The following CCSER1 variants were observed in gnomAD, a reference collection of about 807,000 sequenced individuals.
CCSER1 encodes the protein coiled-coil serine rich protein 1.
Under a neutral mutation model 82.0 loss-of-function variants are expected in CCSER1, and 41 were observed. The ratio of observed to expected loss-of-function variants is 0.50; its 90% confidence interval spans 0.39 to 0.65. The LOEUF (loss-of-function observed/expected upper bound fraction) is 0.65, where lower values mean the gene tolerates loss of function less well. Ranked by LOEUF, CCSER1 falls within the 30% of genes least tolerant of loss-of-function variation. The pLI is 0.00. For missense variants in CCSER1, 1,119 were observed against 1,064.2 expected (o/e 1.05, Z -0.72); for synonymous variants, 414 against 383.9 (o/e 1.08, Z -0.92).
At chr4:91,221,222 T>C (rs1479167877) in intron 10 of CCSER1, among the ~76,000 whole-genome samples, 1 of 152,124 alleles carries the variant, frequency 6.6e-6, no homozygotes, top group African/African-American at 2.4e-5. Context: ...TATCATAACA[T>C]AGTTGTTTTC....
chr4:91,136,818 A>G (rs1251458437), intron 10 of CCSER1, among the ~76,000 whole-genome samples: 5 of 152,034 alleles, frequency 3.3e-5, no homozygotes, highest in African/African-American at 1.2e-4. Flanking sequence ...TAACTGTGTC[A>G]ACTTATACAA....
chr4:90,708,067 C>T (rs1464756426), intron 6 of CCSER1, among the ~76,000 whole-genome samples: 1 of 152,098 alleles, frequency 6.6e-6, no homozygotes, highest in Non-Finnish European at 1.5e-5. Context: ...GCAGTTTGCA[C>T]CTCCTGAGGC....
intron 10 of CCSER1, among the ~76,000 whole-genome samples, chr4:91,390,551 A>G (rs1237051724): frequency 6.6e-6 from 1 of 151,876 alleles, no homozygotes; most frequent in Non-Finnish European, 1.5e-5. Flanking sequence ...TGCTGATCTC[A>G]TGGAATGAAT....
chr4:91,380,497 T>C (rs1750798805), intron 10 of CCSER1, among the ~76,000 whole-genome samples: 1 of 152,188 alleles, frequency 6.6e-6, no homozygotes, highest in Non-Finnish European at 1.5e-5. Flanking sequence ...TTTACCGTTA[T>C]GTAATGTCCT....
At chr4:91,227,373 T>G (rs1738279773) in intron 10 of CCSER1, among the ~76,000 whole-genome samples, 1 of 151,372 alleles carries the variant, frequency 6.6e-6, no homozygotes, top group South Asian at 2.1e-4. Flanking sequence ...TTCTCTTGGC[T>G]GGAATCTACA....
intron 10 of CCSER1, among the ~76,000 whole-genome samples, chr4:91,396,076 AC>A (rs1478424819): frequency 8.5e-5 from 13 of 152,106 alleles, no homozygotes; most frequent in Admixed American, 5.9e-4. Flanking sequence ...CAGACCTAGT[AC>A]TTGAAATAAA....
chr4:91,392,631 G>A (rs1244146328), intron 10 of CCSER1, among the ~76,000 whole-genome samples: 1 of 151,898 alleles, frequency 6.6e-6, no homozygotes, highest in Non-Finnish European at 1.5e-5. Context: ...ATATATATTA[G>A]CTCATTTGCA....
At chr4:90,450,639 A>T (rs1761318291) in intron 4 of CCSER1, among the ~76,000 whole-genome samples, 1 of 152,198 alleles carries the variant, frequency 6.6e-6, no homozygotes, top group South Asian at 2.1e-4. Context: ...CTGGTCTTTT[A>T]CTAAAGTGTA....
At chr4:90,384,809 G>A (rs768197627) in intron 3 of CCSER1, among the ~76,000 whole-genome samples, 20 of 152,166 alleles carry the variant, frequency 1.3e-4, no homozygotes, top group Non-Finnish European at 2.8e-4. Flanking sequence ...TAGTGAGGAA[G>A]TCTGAACTTT....
chr4:90,407,765 G>A (rs917063865), intron 4 of CCSER1, among the ~76,000 whole-genome samples: 5 of 152,102 alleles, frequency 3.3e-5, no homozygotes, highest in East Asian at 3.9e-4. Context: ...TTCATCTCAC[G>A]GGGGAGTGCT....
chr4:90,476,572 C>G (rs1765142855), intron 5 of CCSER1, among the ~76,000 whole-genome samples: 1 of 151,950 alleles, frequency 6.6e-6, no homozygotes, highest in Non-Finnish European at 1.5e-5. Flanking sequence ...CTCTATTCAA[C>G]CTTTTGGAAA....
At chr4:91,436,691 C>T (rs1236848894) in intron 10 of CCSER1, among the ~76,000 whole-genome samples, 2 of 152,144 alleles carry the variant, frequency 1.3e-5, no homozygotes, top group Admixed American at 6.5e-5. Flanking sequence ...ATTTCTGCTA[C>T]ACCATGTTGT....
chr4:91,548,107 T>C (rs990816307), intron 10 of CCSER1, among the ~76,000 whole-genome samples: 46 of 152,226 alleles, frequency 3.0e-4, no homozygotes. Context: ...GTTTTGAGTG[T>C]TATATATTGC....
At chr4:91,259,831 A>G (rs942475304) in intron 10 of CCSER1, among the ~76,000 whole-genome samples, 1 of 151,926 alleles carries the variant, frequency 6.6e-6, no homozygotes, top group Non-Finnish European at 1.5e-5. Context: ...TTCTTTATTC[A>G]TCTCTCATTG....
intron 3 of CCSER1, among the ~76,000 whole-genome samples, chr4:90,387,608 G>A (rs1205603874): frequency 6.6e-6 from 1 of 152,148 alleles, no homozygotes; most frequent in Non-Finnish European, 1.5e-5. Flanking sequence ...TCAACTTGGA[G>A]GCTGAGATTA....
intron 6 of CCSER1, among the ~76,000 whole-genome samples, chr4:90,686,998 C>A (rs1349571696): frequency 6.6e-6 from 1 of 152,156 alleles, no homozygotes; most frequent in Admixed American, 6.5e-5. Flanking sequence ...AAGTGCCATG[C>A]ATGAAGGTTC....
At chr4:90,205,730 G>C (rs1738677634) in intron 1 of CCSER1, among the ~76,000 whole-genome samples, 1 of 152,210 alleles carries the variant, frequency 6.6e-6, no homozygotes, top group East Asian at 1.9e-4. Context: ...TTAGGGAGGA[G>C]TCCCTCTTTT....
intron 5 of CCSER1, among the ~76,000 whole-genome samples, chr4:90,555,813 T>C (rs538241404): frequency 9.9e-5 from 15 of 152,112 alleles, no homozygotes; most frequent in Non-Finnish European, 1.9e-4. Context: ...AAGAAGGAAA[T>C]GATTTATATT....
chr4:90,548,336 A>C (rs555162722), intron 5 of CCSER1, among the ~76,000 whole-genome samples: 1 of 152,084 alleles, frequency 6.6e-6, no homozygotes, highest in South Asian at 2.1e-4. Context: ...TCTGTGCACC[A>C]CTCATCCTTC....
Sources: gnomAD v4.1 joint callset for allele counts (sites outside exome capture counted in the v4.1 genomes callset) on GRCh38, gnomAD v4.1.1 for gene constraint, MANE v1.5 for transcripts, NCBI Gene and HGNC (gene_info 2026-07-23, HGNC 2026-07-21) for gene names.